Variants in COPS7B observed in about 807,000 individuals in gnomAD.
The protein encoded by COPS7B is COP9 signalosome subunit 7B.
COPS7B carries 9 observed loss-of-function variants against 33.4 expected under a neutral mutation model. The observed-to-expected ratio is 0.27, with a 90% CI of 0.16 to 0.47. The LOEUF (loss-of-function observed/expected upper bound fraction) is 0.47, where lower values mean the gene tolerates loss of function less well. Ranked by LOEUF, COPS7B falls within the 20% of genes least tolerant of loss-of-function variation. The pLI, the probability that COPS7B is intolerant of heterozygous loss-of-function variation, is 0.99. For synonymous variants in COPS7B, 119 were observed against 126.3 expected, an observed-to-expected ratio of 0.94 and a Z score of 0.39; for missense variants, 242 against 318.2, an observed-to-expected ratio of 0.76 and a Z score of 1.82.
upstream of COPS7B, among the ~76,000 whole-genome samples, chr2:231,784,267 G>A (rs1266648635): frequency 2.0e-5 from 3 of 151,596 alleles, no homozygotes; most frequent in Non-Finnish European, 4.4e-5. Flanking sequence ...GATCACTTGA[G>A]ATCAGGGAAG....
chr2:231,799,183 TC>T (rs1402788187), intron 6 of COPS7B, among the ~76,000 whole-genome samples: 1 of 152,198 alleles, frequency 6.6e-6, no homozygotes, highest in Non-Finnish European at 1.5e-5. Context: ...CATAGGGTGA[TC>T]AATCAGGCTT....
upstream of COPS7B, among the ~76,000 whole-genome samples, chr2:231,783,071 T>C (rs1189062213): frequency 1.3e-5 from 2 of 152,218 alleles, no homozygotes; most frequent in Non-Finnish European, 2.9e-5. Flanking sequence ...ACAGTATGTG[T>C]CTGGCTTTTT....
intron 2 of COPS7B, 44 bp downstream of exon 2, chr2:231,788,776 G>C: frequency 7.1e-7 from 1 of 1,408,666 alleles, no homozygotes; most frequent in Non-Finnish European, 9.8e-7. Context: ...CTAAGACTCT[G>C]TAATTCTCCA....
intron 3 of COPS7B, 55 bp downstream of exon 3, chr2:231,791,863 G>C: frequency 6.7e-7 from 1 of 1,489,764 alleles, no homozygotes; most frequent in Non-Finnish European, 9.4e-7. Context: ...GCTCAGTTTG[G>C]AAGACCATCA....
intron 5 of COPS7B, among the ~76,000 whole-genome samples, chr2:231,797,708 G>A (rs949248062): frequency 1.3e-5 from 2 of 152,146 alleles, no homozygotes; most frequent in African/African-American, 2.4e-5. Context: ...ATGGCAAAAT[G>A]CTCACACTGT....
chr2:231,787,866 C>T (rs573358654), intron 1 of COPS7B, among the ~76,000 whole-genome samples: 1 of 152,252 alleles, frequency 6.6e-6, no homozygotes, highest in East Asian at 1.9e-4. Context: ...TCCGGTGCCT[C>T]TGTGTATAGG....
At chr2:231,792,632 C>T (rs535006483) in intron 3 of COPS7B, among the ~76,000 whole-genome samples, 354 of 152,258 alleles carry the variant, frequency 2.3e-3, no homozygotes, top group Non-Finnish European at 4.0e-3. Context: ...TGTTTCTTCC[C>T]ACTTACAAAC....
At chr2:231,783,265 T>A (rs75491869), upstream of COPS7B, among the ~76,000 whole-genome samples, 259 of 152,330 alleles carry the variant, frequency 1.7e-3, 1 homozygote, top group African/African-American at 6.0e-3. Context: ...TTTCTTTTTG[T>A]AGACACTTGC....
At chr2:231,804,062 G>C (rs1170316389) in intron 6 of COPS7B, among the ~76,000 whole-genome samples, 1 of 152,058 alleles carries the variant, frequency 6.6e-6, no homozygotes, top group African/African-American at 2.4e-5. Flanking sequence ...AATAAATGCC[G>C]GTTGTCACTT....
upstream of COPS7B, among the ~76,000 whole-genome samples, chr2:231,782,401 C>T (rs1282065276): frequency 2.6e-5 from 4 of 152,136 alleles, no homozygotes; most frequent in Non-Finnish European, 5.9e-5. Context: ...TTTTTTGCCA[C>T]TCAAGGTGAC....
At chr2:231,785,141 A>C (rs1574647511), upstream of COPS7B, among the ~76,000 whole-genome samples, 1 of 152,076 alleles carries the variant, frequency 6.6e-6, no homozygotes. Context: ...TAAATCGGTC[A>C]CCTCACCGGA....
intron 6 of COPS7B, among the ~76,000 whole-genome samples, chr2:231,800,362 C>T (rs1431220700): frequency 6.6e-6 from 1 of 152,166 alleles, no homozygotes; most frequent in Non-Finnish European, 1.5e-5. Context: ...TTTTCTCTGA[C>T]TTGGGATTGA....
intron 3 of COPS7B, among the ~76,000 whole-genome samples, chr2:231,793,076 C>T (rs2049464937): frequency 6.6e-6 from 1 of 152,170 alleles, no homozygotes; most frequent in South Asian, 2.1e-4. Flanking sequence ...AGTCTGGCTC[C>T]ACTTCTACTA....
At chr2:231,805,931 G>A (rs2049882756) in intron 6 of COPS7B, among the ~76,000 whole-genome samples, 1 of 151,908 alleles carries the variant, frequency 6.6e-6, no homozygotes. Context: ...GTATAGGTGT[G>A]AGCCACCATG....
At chr2:231,792,431 GT>G (rs2049444403) in intron 3 of COPS7B, among the ~76,000 whole-genome samples, 1 of 152,186 alleles carries the variant, frequency 6.6e-6, no homozygotes. Context: ...GATAGAGACT[GT>G]AGTAAGCTGA....
At chr2:231,800,691 TGG>T (rs2049719527) in intron 6 of COPS7B, among the ~76,000 whole-genome samples, 1 of 152,014 alleles carries the variant, frequency 6.6e-6, no homozygotes, top group South Asian at 2.1e-4. Context: ...ACACAGAGGG[TGG>T]GTGTGTGCAC....
chr2:231,808,551 T>C lies in COPS7B; in HGVS notation c.*906T>C, dbSNP rs779569729. 1 of 471,196 alleles carries C rather than the reference T, an allele frequency of 2.1e-6. No individual in the cohort carries two copies. The highest frequency in any genetic ancestry group is 1.5e-5 in the South Asian group (1 of 64,562). 29.2% of individuals were successfully genotyped at this position (471,196 alleles called of 1,614,324 possible). On this transcript the variant is annotated 3_prime_UTR_variant, in exon 7 of 7. Transcript: ENST00000350033. ...CTGCTGAAGGACCTGTTGCTGCTTC[T>C]GTCTTTTCACCCCTCCTTGGCTGAT...
intron 2 of COPS7B, 190 bp downstream of exon 2, chr2:231,788,922 A>T (rs1574654019): frequency 3.9e-6 from 2 of 513,814 alleles, no homozygotes; most frequent in East Asian, 6.4e-5. Flanking sequence ...TTTTTATCTT[A>T]CCTTGGGTAA....
chr2:231,805,811 A>T (rs1559378449), intron 6 of COPS7B, among the ~76,000 whole-genome samples: 4 of 142,724 alleles, frequency 2.8e-5, no homozygotes, highest in South Asian at 2.3e-4. Context: ...CCTGGCTAAA[A>T]TTTTTTTTTT....
Sources: gnomAD v4.1 joint callset for allele counts (sites outside exome capture counted in the v4.1 genomes callset) on GRCh38, gnomAD v4.1.1 for gene constraint, MANE v1.5 for transcripts, NCBI Gene and HGNC (gene_info 2026-07-23, HGNC 2026-07-21) for gene names.